The following PCNX1 variants were observed in gnomAD, a reference collection of about 807,000 sequenced individuals.
The protein encoded by PCNX1 is pecanex 1, also known as pecanex-like protein 1.
Under a neutral mutation model 242.2 loss-of-function variants are expected in PCNX1, and 78 were observed. That is an observed-to-expected ratio of 0.32 (90% CI 0.27 to 0.39). PCNX1 has a LOEUF of 0.39. Ranked by LOEUF, PCNX1 falls within the 10% of genes least tolerant of loss-of-function variation. The pLI is 1.00. For missense variants in PCNX1, 2,581 were observed against 2,856.5 expected, an observed-to-expected ratio of 0.90 and a Z score of 2.20; for synonymous variants, 1,024 against 1,032.9, an observed-to-expected ratio of 0.99 and a Z score of 0.17.
At position 71,105,105 on chromosome 14, in the gene PCNX1, A is replaced by G. The variant is rs567788795; in HGVS notation, c.6096-130A>G. 9 of 677,928 alleles carry G rather than the reference A, an allele frequency of 1.3e-5. No homozygotes were observed. In the South Asian group the frequency reaches 1.7e-4, roughly 13 times the overall value. 42.0% of individuals were successfully genotyped at this position (677,928 alleles called of 1,614,324 possible). A position where few individuals can be genotyped will look rare whatever the true frequency, so the allele number is the denominator to read the frequency against. ...ATGAGTTTTTTTGTTCCTAATATTG[A>G]TTGCACCATAAAGACTTTAAAAGGT... On this transcript the variant is annotated intron_variant, in intron 32 of 35. Transcript: ENST00000304743.
At chr14:70,911,510 A>G (rs575737486) in intron 1 of PCNX1, among the ~76,000 whole-genome samples, 2 of 152,220 alleles carry the variant, frequency 1.3e-5, no homozygotes, top group African/African-American at 2.4e-5. Context: ...CCTTTAAGGT[A>G]CTCATTCTTT....
chr14:70,950,412 A>G (rs919980669), intron 2 of PCNX1, among the ~76,000 whole-genome samples: 1 of 152,014 alleles, frequency 6.6e-6, no homozygotes, highest in African/African-American at 2.4e-5. Context: ...TCCTATTTTA[A>G]ATTATATCAA....
chr14:70,967,237 T>C (rs1033017051), intron 3 of PCNX1, among the ~76,000 whole-genome samples: 2 of 152,212 alleles, frequency 1.3e-5, no homozygotes, highest in Non-Finnish European at 2.9e-5. Flanking sequence ...AACATTAACT[T>C]ATATTTTGAG....
intron 1 of PCNX1, among the ~76,000 whole-genome samples, chr14:70,916,668 C>G (rs2056164188): frequency 6.6e-6 from 1 of 152,138 alleles, no homozygotes; most frequent in Admixed American, 6.5e-5. Flanking sequence ...ATTATCTGAA[C>G]CTTCGGCGAG....
intron 30 of PCNX1, among the ~76,000 whole-genome samples, chr14:71,094,067 C>T (rs1178574528): frequency 6.6e-6 from 1 of 152,080 alleles, no homozygotes; most frequent in Non-Finnish European, 1.5e-5. Context: ...GATAGGCACC[C>T]CAACCCCTGC....
At position 71,047,703 on chromosome 14, in the gene PCNX1, A is replaced by G. The variant is rs2060902897; in HGVS notation, c.4161-104A>G. 6.7e-6 allele frequency: 6 copies of G among 893,088 alleles called. 1 individual carries two copies. Among genetic ancestry groups the G allele is most frequent in the Non-Finnish European group, 1.0e-5 (6 of 585,542 alleles). 55.3% of individuals were successfully genotyped at this position (893,088 alleles called of 1,614,324 possible). A position where few individuals can be genotyped will look rare whatever the true frequency, so the allele number is the denominator to read the frequency against. ...ATTTTTGGAAGCTTACATTTAATGT[A>G]TATATTATAAGCTTAGTAAAGTAAA... On this transcript the variant is annotated intron_variant, in intron 21 of 35. Transcript: ENST00000304743.
At chr14:71,003,162 C>CT (rs1163618809) in intron 8 of PCNX1, among the ~76,000 whole-genome samples, 1 of 142,280 alleles carries the variant, frequency 7.0e-6, no homozygotes, top group Non-Finnish European at 1.5e-5. Context: ...CAGCTCTCTG[C>CT]TACCTCTGCC....
intron 34 of PCNX1, 27 bp from the exon 35 acceptor site, chr14:71,109,425 T>C: frequency 6.4e-7 from 1 of 1,574,686 alleles, no homozygotes; most frequent in Non-Finnish European, 8.6e-7. Context: ...AAAAAATGAA[T>C]TGGAAATGTT....
chr14:71,048,609 T>C (rs1021140284), intron 22 of PCNX1, among the ~76,000 whole-genome samples: 2 of 152,216 alleles, frequency 1.3e-5, no homozygotes, highest in Non-Finnish European at 2.9e-5. Flanking sequence ...TTCAATTTCA[T>C]GTTAACACTG....
rs2062709969 is a variant in PCNX1, at chr14:71,109,462, C to T, written c.6755C>T (p.Pro2252Leu). ...EVIYRVQIVDPSQILEGINLS... is the reference protein window; with the variant it reads ...EVIYRVQIVDLSQILEGINLS... The stretch of plus-strand genomic sequence containing the variant: ...TTATTTACCATGTAGATTGTGGATC[C>T]CAGTCAAATTCTGGAAGGGATCAAC... Residue 2252 changes from proline (P) to leucine (L), a missense_variant, in exon 35 of 36, where the codon CCC (proline) becomes CTC (leucine). By Grantham distance (98) the Pro-to-Leu change is moderately conservative. Transcript: ENST00000304743. 1 of 1,611,010 alleles carries T rather than the reference C, an allele frequency of 6.2e-7. No homozygotes were observed. The highest frequency in any genetic ancestry group is 1.3e-5 in the African/African-American group (1 of 74,674).
chr14:70,993,075 G>A (rs190571730), intron 7 of PCNX1, among the ~76,000 whole-genome samples: 31 of 151,460 alleles, frequency 2.0e-4, no homozygotes, highest in Non-Finnish European at 3.2e-4. Context: ...TTGGTATTTT[G>A]AGATTAAAAT....
intron 30 of PCNX1, among the ~76,000 whole-genome samples, chr14:71,091,655 C>G (rs187216031): frequency 5.9e-5 from 9 of 152,122 alleles, no homozygotes; most frequent in Non-Finnish European, 1.0e-4. Context: ...ATAAAACACA[C>G]AGAAATCTAT....
Position 71,047,899 on chromosome 14 carries a change from C to G in PCNX1, c.4253C>G (p.Thr1418Ser), listed in dbSNP as rs752583549. Residue 1418 changes from threonine to serine, a missense_variant, in exon 22 of 36, where the codon ACT becomes AGT. Physicochemically the swap from Thr to Ser is moderately conservative, Grantham distance 58. This residue lies in a region of PCNX1 where 432 missense variants were observed against 443.1 expected (regional missense o/e 0.97). Transcript: ENST00000304743. ...PTYQYVTVIF[T>S]VLFFKFDYEA... ...TATCAGTATGTTACAGTCATCTTTA[C>G]TGTGCTGTTTTTCAAATTTGACTAT... 5.0e-6 allele frequency: 8 copies of G among 1,613,168 alleles called. No individual in the cohort carries two copies. The African/African-American group carries it at 1.1e-4, about 22-fold the overall frequency.
At chr14:71,090,287 C>T (rs556167052) in intron 30 of PCNX1, among the ~76,000 whole-genome samples, 3 of 152,310 alleles carry the variant, frequency 2.0e-5, no homozygotes, top group East Asian at 3.9e-4. Flanking sequence ...AGTACTGGCA[C>T]TTGTTCCTCC....
intron 2 of PCNX1, among the ~76,000 whole-genome samples, chr14:70,952,383 G>A (rs1396712829): frequency 1.3e-5 from 2 of 152,030 alleles, no homozygotes; most frequent in Admixed American, 6.5e-5. Context: ...TACCATATAA[G>A]CTTCATGACA....
chr14:70,972,513 G>A (rs541164402), intron 5 of PCNX1, among the ~76,000 whole-genome samples: 1 of 152,272 alleles, frequency 6.6e-6, no homozygotes, highest in African/African-American at 2.4e-5. Context: ...GGGTTTATGT[G>A]GCCTTTACTT....
At chr14:71,057,753 G>A (rs2061220660) in intron 26 of PCNX1, 29 bp downstream of exon 26, 4 of 1,438,228 alleles carry the variant, frequency 2.8e-6, no homozygotes, top group Non-Finnish European at 3.9e-6. Context: ...TTTTATTTCT[G>A]TAGCATACTC....
chr14:70,996,177 G>C (rs1270002115), intron 8 of PCNX1, among the ~76,000 whole-genome samples: 1 of 151,818 alleles, frequency 6.6e-6, no homozygotes, highest in Non-Finnish European at 1.5e-5. Flanking sequence ...GTTAATATAT[G>C]TTCACACTCA....
intron 3 of PCNX1, among the ~76,000 whole-genome samples, chr14:70,965,817 A>G (rs1031984208): frequency 2.6e-5 from 4 of 152,172 alleles, no homozygotes; most frequent in African/African-American, 7.2e-5. Context: ...TATGCTCTCT[A>G]GTTAGAAGTA....
Sources: allele counts gnomAD v4.1 joint callset (sites outside exome capture counted in the v4.1 genomes callset), GRCh38; gene constraint gnomAD v4.1.1; regional missense constraint gnomAD v4.1.1; transcripts MANE v1.5; gene names NCBI Gene and HGNC (gene_info 2026-07-23, HGNC 2026-07-21).